The following STX8 variants were observed in gnomAD, a reference collection of about 807,000 sequenced individuals.
STX8 encodes syntaxin 8, also known as syntaxin-8.
Under a neutral mutation model 37.5 loss-of-function variants are expected in STX8, and 23 were observed. That is an observed-to-expected ratio of 0.61 (90% CI 0.44 to 0.87). The LOEUF (loss-of-function observed/expected upper bound fraction) is 0.87, where lower values mean the gene tolerates loss of function less well. Ranked by LOEUF, STX8 falls within the 40% of genes least tolerant of loss-of-function variation. The pLI, the probability that STX8 is intolerant of heterozygous loss-of-function variation, is 0.00. For synonymous variants in STX8, 115 were observed against 99.1 expected (o/e 1.16, Z -0.95); for missense variants, 313 against 284.7 (o/e 1.10, Z -0.71).
At chr17:9,349,105 C>T (rs1910620189) in intron 7 of STX8, among the ~76,000 whole-genome samples, 1 of 152,032 alleles carries the variant, frequency 6.6e-6, no homozygotes, top group Non-Finnish European at 1.5e-5. Flanking sequence ...GATTCTCCTG[C>T]CTCAGCCTCC....
chr17:9,310,171 A>C (rs892529710), intron 7 of STX8, among the ~76,000 whole-genome samples: 12 of 152,102 alleles, frequency 7.9e-5, no homozygotes, highest in African/African-American at 2.9e-4. Context: ...ATACAAACAC[A>C]CACACAAAAA....
intron 6 of STX8, among the ~76,000 whole-genome samples, chr17:9,382,423 G>A (rs967424985): frequency 1.2e-4 from 18 of 152,046 alleles, no homozygotes; most frequent in African/African-American, 2.9e-4. Flanking sequence ...AGGGTATCAC[G>A]CAAGATTTTT....
chr17:9,405,069 G>A (rs73973727), intron 6 of STX8, among the ~76,000 whole-genome samples: 1,881 of 152,068 alleles, frequency 0.012, 39 homozygotes, highest in African/African-American at 0.042. Context: ...TACTACATCT[G>A]GACACAGTTT....
chr17:9,499,761 C>G (rs1208216306), intron 5 of STX8, among the ~76,000 whole-genome samples: 1 of 152,202 alleles, frequency 6.6e-6, no homozygotes, highest in African/African-American at 2.4e-5. Flanking sequence ...GCAACCTGCG[C>G]TGCCGCTCCC....
chr17:9,538,161 C>A (rs539981649), intron 4 of STX8, among the ~76,000 whole-genome samples: 1 of 152,324 alleles, frequency 6.6e-6, no homozygotes, highest in East Asian at 1.9e-4. Context: ...CCCCTACACT[C>A]ACGTAGAGGA....
intron 7 of STX8, among the ~76,000 whole-genome samples, chr17:9,375,868 T>C (rs1334312859): frequency 6.6e-6 from 1 of 152,158 alleles, no homozygotes; most frequent in Non-Finnish European, 1.5e-5. Context: ...GAGTTTAGGC[T>C]TTCCTGAGGT....
intron 7 of STX8, among the ~76,000 whole-genome samples, chr17:9,261,306 G>A (rs1597570330): frequency 6.6e-6 from 1 of 152,204 alleles, no homozygotes; most frequent in Non-Finnish European, 1.5e-5. Flanking sequence ...CTGTCCCAGT[G>A]CTGAATAGCA....
intron 7 of STX8, among the ~76,000 whole-genome samples, chr17:9,321,062 C>T (rs896830375): frequency 1.3e-5 from 2 of 151,654 alleles, no homozygotes; most frequent in Non-Finnish European, 2.9e-5. Flanking sequence ...AGATGGCATA[C>T]TGTCTATAAT....
In STX8 at chr17:9,485,890, C is replaced by T. The variant is rs112934739; in HGVS notation, c.541+5939G>A. 1.6e-4 allele frequency among the ~76,000 whole-genome samples: 24 copies of T among 152,120 alleles called. 1 individual carries two copies. The highest frequency in any genetic ancestry group is 5.1e-4 in the African/African-American group (21 of 41,510). The stretch of plus-strand genomic sequence containing the variant: ...CATAAGCCACCATGCTCGGACAATC[C>T]GGGAGTTCTAAATCTGACCAGTAGG... On this transcript the variant is annotated intron_variant, in intron 6 of 7. Transcript: ENST00000306357.
chr17:9,263,717 A>G (rs1907130818), intron 7 of STX8, among the ~76,000 whole-genome samples: 1 of 152,232 alleles, frequency 6.6e-6, no homozygotes, highest in African/African-American at 2.4e-5. Context: ...CGTGTACACG[A>G]ATTTCTGTAG....
intron 7 of STX8, among the ~76,000 whole-genome samples, chr17:9,254,841 G>A (rs528578812): frequency 2.2e-4 from 33 of 152,178 alleles, no homozygotes; most frequent in East Asian, 1.4e-3. Flanking sequence ...ACACACACGC[G>A]CACGTGTGTG....
intron 7 of STX8, among the ~76,000 whole-genome samples, chr17:9,268,239 G>A (rs1209320951): frequency 1.3e-5 from 2 of 150,886 alleles, no homozygotes; most frequent in Non-Finnish European, 2.9e-5. Flanking sequence ...GAGAGCCTCA[G>A]AGTTGTGAGC....
intron 3 of STX8, among the ~76,000 whole-genome samples, chr17:9,550,172 C>T (rs1906707306): frequency 6.6e-6 from 1 of 150,934 alleles, no homozygotes; most frequent in Non-Finnish European, 1.5e-5. Flanking sequence ...TGCAGTGAGC[C>T]AAGATCGTGC....
Position 9,466,206 on chromosome 17 carries a change from C to T in STX8, c.541+25623G>A, listed in dbSNP as rs536288298. Among the ~76,000 whole-genome samples, 377 of 152,290 alleles carry T rather than the reference C, an allele frequency of 2.5e-3. 2 individuals carry two copies. The highest frequency in any genetic ancestry group is 6.8e-3 in the Middle Eastern group (2 of 294). On this transcript the variant is annotated intron_variant, in intron 6 of 7. Coordinates refer to ENST00000306357, the MANE Select transcript of STX8 (RefSeq NM_004853.3). ...CAGGATGGTCTCGATCTCCTGACCT[C>T]GTGATCCGCCTGCCTTGGCCTCCCA...
intron 4 of STX8, among the ~76,000 whole-genome samples, chr17:9,511,062 A>C (rs1342890446): frequency 6.6e-6 from 1 of 152,130 alleles, no homozygotes; most frequent in African/African-American, 2.4e-5. Flanking sequence ...AACCAAGAAG[A>C]AATTTTTTTA....
At chr17:9,362,922 C>A (rs1036555528) in intron 7 of STX8, among the ~76,000 whole-genome samples, 14 of 151,096 alleles carry the variant, frequency 9.3e-5, no homozygotes, top group Admixed American at 5.3e-4. Flanking sequence ...AAAAAAAATT[C>A]AAATAATAAA....
intron 4 of STX8, among the ~76,000 whole-genome samples, chr17:9,535,424 C>CTTTTT (rs35962202): frequency 0.012 from 597 of 51,540 alleles, 114 homozygotes; most frequent in South Asian, 0.017. Context: ...AGCCATCCTA[C>CTTTTT]TTTTTTTTTT....
chr17:9,348,117 A>G (rs1232371416), intron 7 of STX8, among the ~76,000 whole-genome samples: 1 of 152,144 alleles, frequency 6.6e-6, no homozygotes, highest in Non-Finnish European at 1.5e-5. Flanking sequence ...TTTCTTTTAC[A>G]TATGAACATT....
intron 7 of STX8, among the ~76,000 whole-genome samples, chr17:9,251,274 T>C (rs540077955): frequency 6.6e-6 from 1 of 152,362 alleles, no homozygotes; most frequent in East Asian, 1.9e-4. Context: ...CTGCCTCCTC[T>C]GGGTCGTGTG....
Sources: gnomAD v4.1 joint callset for allele counts (sites outside exome capture counted in the v4.1 genomes callset) on GRCh38, gnomAD v4.1.1 for gene constraint, MANE v1.5 for transcripts, NCBI Gene and HGNC (gene_info 2026-07-23, HGNC 2026-07-21) for gene names.